Variants in GLRA2 observed in about 807,000 individuals in gnomAD.
The protein encoded by GLRA2 is glycine receptor subunit alpha-2.
GLRA2 carries 11 observed loss-of-function variants against 31.6 expected under a neutral mutation model. The ratio of observed to expected loss-of-function variants is 0.35; its 90% confidence interval spans 0.22 to 0.58. The LOEUF (loss-of-function observed/expected upper bound fraction) is 0.58, where lower values mean the gene tolerates loss of function less well. GLRA2 is among the 20% of genes least tolerant of loss of function. The probability of loss-of-function intolerance (pLI) is 0.84; values close to 1 mark genes in which losing one functional copy is unlikely to be tolerated. For missense variants in GLRA2, 212 were observed against 351.8 expected (o/e 0.60, Z 3.18); for synonymous variants, 132 against 134.0 (o/e 0.99, Z 0.10).
chrX:14,561,131 A>C (rs1426170765), intron 2 of GLRA2, among the ~76,000 whole-genome samples: 1 of 111,832 alleles, frequency 8.9e-6, no homozygotes, highest in Non-Finnish European at 1.9e-5. Context: ...GTTCTGATTC[A>C]GGCTTGATGG....
chrX:14,690,588 A>G, intron 7 of GLRA2, 122 bp from the exon 8 acceptor site: 1 of 480,218 alleles, frequency 2.1e-6, no homozygotes, highest in East Asian at 3.5e-5. Context: ...TCATTGACCA[A>G]GGAAATTAGG....
intron 8 of GLRA2, among the ~76,000 whole-genome samples, chrX:14,705,822 C>T (rs1376455254): frequency 8.9e-6 from 1 of 111,757 alleles, no homozygotes; most frequent in East Asian, 2.8e-4. Context: ...GATTTAATTG[C>T]TTTTCAAAAT....
intron 2 of GLRA2, among the ~76,000 whole-genome samples, chrX:14,568,676 G>A (rs1291950986): frequency 1.1e-5 from 1 of 87,830 alleles, no homozygotes; most frequent in Non-Finnish European, 2.1e-5. Context: ...CTGGCCAACA[G>A]AGCAAGACTC....
chrX:14,562,061 A>C (rs1346460129), intron 2 of GLRA2, among the ~76,000 whole-genome samples: 1 of 112,512 alleles, frequency 8.9e-6, no homozygotes, highest in African/African-American at 3.2e-5. Context: ...TCTATAGTCA[A>C]ATAAGTTTGG....
At chrX:14,728,444 G>A (rs2091952620) in intron 8 of GLRA2, among the ~76,000 whole-genome samples, 1 of 111,686 alleles carries the variant, frequency 9.0e-6, no homozygotes, top group African/African-American at 3.3e-5. Context: ...AGCACTAGGT[G>A]CAGTCATTAA....
chrX:14,610,518 C>T lies in GLRA2; in HGVS notation c.930+1313C>T, dbSNP rs2090386133. Among the ~76,000 whole-genome samples the T allele has an allele frequency of 2.7e-5, 3 of 112,141 alleles. No homozygotes were observed. The South Asian group carries it at 1.1e-3, about 41-fold the overall frequency. ...GGAATACAGATGTCAGAAATACTAA[C>T]AGCTTTTTTAACCTGTATAATCAAA... On this transcript the variant is annotated intron_variant, in intron 7 of 8. Transcript: ENST00000218075.
chrX:14,597,480 C>T (rs1417852715), intron 4 of GLRA2, among the ~76,000 whole-genome samples: 1 of 111,404 alleles, frequency 9.0e-6, no homozygotes, highest in African/African-American at 3.3e-5. Context: ...GGGGGAGGCC[C>T]AGAGATTTAG....
At chrX:14,712,089 C>T (rs1321742135) in intron 8 of GLRA2, among the ~76,000 whole-genome samples, 1 of 112,911 alleles carries the variant, frequency 8.9e-6, no homozygotes, top group East Asian at 2.8e-4. Flanking sequence ...CTTGGCATAA[C>T]ATTACCTTTT....
intron 7 of GLRA2, among the ~76,000 whole-genome samples, chrX:14,689,079 C>T (rs1377032980): frequency 8.9e-6 from 1 of 112,020 alleles, no homozygotes; most frequent in Non-Finnish European, 1.9e-5. Flanking sequence ...AATAACATAA[C>T]TGAATTATAC....
intron 8 of GLRA2, among the ~76,000 whole-genome samples, chrX:14,695,569 C>T (rs1195193285): frequency 1.8e-5 from 2 of 111,978 alleles, no homozygotes; most frequent in Non-Finnish European, 3.8e-5. Context: ...TACTGAAGCA[C>T]AAAGAGGTTA....
chrX:14,567,330 G>A (rs757853695), intron 2 of GLRA2, among the ~76,000 whole-genome samples: 4 of 112,081 alleles, frequency 3.6e-5, no homozygotes, highest in Non-Finnish European at 7.5e-5. Context: ...CACATTAATA[G>A]AATGAAGGAG....
chrX:14,677,979 T>A (rs963505977), intron 7 of GLRA2, among the ~76,000 whole-genome samples: 7 of 112,183 alleles, frequency 6.2e-5, no homozygotes, highest in Non-Finnish European at 1.3e-4. Flanking sequence ...CTGTGCATAA[T>A]AGGATGTTTA....
chrX:14,512,035 A>T, the GLRA2 span, among the ~76,000 whole-genome samples: 2 of 111,743 alleles, frequency 1.8e-5, no homozygotes, highest in Admixed American at 9.5e-5. Context: ...TTTATGAAAG[A>T]TATACATGTT....
intron 7 of GLRA2, among the ~76,000 whole-genome samples, chrX:14,669,553 A>T (rs2091069561): frequency 9.0e-6 from 1 of 111,316 alleles, no homozygotes; most frequent in Admixed American, 9.5e-5. Flanking sequence ...TAGGTTCCCA[A>T]ACCTCAGTTC....
intron 7 of GLRA2, among the ~76,000 whole-genome samples, chrX:14,663,006 T>C (rs113776387): frequency 0.029 from 3,275 of 111,866 alleles, 104 homozygotes; most frequent in African/African-American, 0.092. Context: ...ATACTAGTAG[T>C]AGTAGATTTT....
chrX:14,690,616 C>A, intron 7 of GLRA2, 94 bp from the exon 8 acceptor site: 2 of 609,556 alleles, frequency 3.3e-6, no homozygotes, highest in Non-Finnish European at 2.7e-6. Flanking sequence ...GCTGCTCACA[C>A]CATTAAGAAT....
chrX:14,657,425 G>A (rs1453295799), intron 7 of GLRA2, among the ~76,000 whole-genome samples: 1 of 112,291 alleles, frequency 8.9e-6, no homozygotes. Flanking sequence ...CTTGTGTGAT[G>A]TAAAGGTCCA....
the GLRA2 span, among the ~76,000 whole-genome samples, chrX:14,465,774 C>G: frequency 9.0e-6 from 1 of 111,662 alleles, no homozygotes; most frequent in African/African-American, 3.3e-5. Context: ...TTTTTTGCCC[C>G]AAATTCTTTA....
rs2091987800 is a variant in GLRA2 at position 14,730,960 on chromosome X, A to C, written c.*475A>C. 1 of 114,988 alleles carries C rather than the reference A, an allele frequency of 8.7e-6. No individual in the cohort carries two copies. Among genetic ancestry groups the C allele is most frequent in the Non-Finnish European group, 1.8e-5 (1 of 56,940 alleles). 9.5% of individuals were successfully genotyped at this position (114,988 alleles called of 1,213,427 possible). ...CACACACACACACACAAACTTCAAAAATGCTTAACCATCTGACCATAGTGA... is the reference window on the plus strand; with the variant it reads ...CACACACACACACACAAACTTCAAACATGCTTAACCATCTGACCATAGTGA... On this transcript the variant is annotated 3_prime_UTR_variant, in exon 9 of 9. Coordinates refer to ENST00000218075, the MANE Select transcript of GLRA2 (RefSeq NM_002063.4).
Sources: gnomAD v4.1 joint callset for allele counts (sites outside exome capture counted in the v4.1 genomes callset) on GRCh38, gnomAD v4.1.1 for gene constraint, MANE v1.5 for transcripts, NCBI Gene and HGNC (gene_info 2026-07-23, HGNC 2026-07-21) for gene names.